Variants in ABCC4 observed in about 807,000 individuals in gnomAD.
ABCC4 encodes the protein ATP binding cassette subfamily C member 4 (PEL blood group), also known as ATP-binding cassette sub-family C member 4.
Under a neutral mutation model 168.5 loss-of-function variants are expected in ABCC4, and 102 were observed. That is an observed-to-expected ratio of 0.61 (90% CI 0.52 to 0.71). The LOEUF is 0.71. Ranked by LOEUF, ABCC4 falls within the 30% of genes least tolerant of loss-of-function variation. The pLI, the probability that ABCC4 is intolerant of heterozygous loss-of-function variation, is 0.00. For missense variants in ABCC4, 1,402 were observed against 1,605.8 expected, an observed-to-expected ratio of 0.87 and a Z score of 2.17; for synonymous variants, 617 against 590.7, an observed-to-expected ratio of 1.04 and a Z score of -0.65.
chr13:95,097,500 A>G (rs1044060647), intron 20 of ABCC4, among the ~76,000 whole-genome samples: 11 of 151,884 alleles, frequency 7.2e-5, no homozygotes, highest in Non-Finnish European at 1.5e-4. Flanking sequence ...GTGGACAAAA[A>G]TTCAGTAAAG....
chr13:95,221,656 T>TA (rs34647565), intron 4 of ABCC4, among the ~76,000 whole-genome samples: 285 of 147,154 alleles, frequency 1.9e-3, no homozygotes, highest in African/African-American at 6.3e-3. Context: ...AGAAATATGT[T>TA]AAAAAAAAAA....
chr13:95,248,636 T>C (rs2138811199), intron 1 of ABCC4, among the ~76,000 whole-genome samples: 1 of 152,298 alleles, frequency 6.6e-6, no homozygotes, highest in South Asian at 2.1e-4. Context: ...GCACCAGGCA[T>C]AGTGGCTCAC....
intron 25 of ABCC4, among the ~76,000 whole-genome samples, chr13:95,064,289 TATATATATACAC>T (rs2033432577): frequency 8.8e-6 from 1 of 113,796 alleles, no homozygotes; most frequent in Non-Finnish European, 1.8e-5. Flanking sequence ...TATATATATA[TATATATATACAC>T]ACACACACAC....
At chr13:95,146,142 C>T (rs1332302373) in intron 19 of ABCC4, among the ~76,000 whole-genome samples, 1 of 149,232 alleles carries the variant, frequency 6.7e-6, no homozygotes, top group African/African-American at 2.5e-5. Flanking sequence ...ACCCCAGAGG[C>T]GGAAGTTGCA....
chr13:95,257,620 G>A (rs867151222), intron 1 of ABCC4, among the ~76,000 whole-genome samples: 1 of 151,256 alleles, frequency 6.6e-6, no homozygotes, highest in Non-Finnish European at 1.5e-5. Flanking sequence ...CCAAGATCAT[G>A]CCATTGCACT....
At chr13:95,163,501 TG>T (rs11568647) in intron 17 of ABCC4, 108 bp downstream of exon 17, 23,900 of 1,062,862 alleles carry the variant, frequency 0.022, 335 homozygotes, top group Middle Eastern at 0.034. Context: ...GTAAACGAAG[TG>T]AGGATTAGAA....
At chr13:95,176,749 G>A (rs956720528) in intron 13 of ABCC4, among the ~76,000 whole-genome samples, 1 of 152,160 alleles carries the variant, frequency 6.6e-6, no homozygotes, top group Non-Finnish European at 1.5e-5. Flanking sequence ...CTCAGTGTGC[G>A]CAGAAGGGTT....
At chr13:95,134,131 A>G (rs2036064407) in intron 19 of ABCC4, among the ~76,000 whole-genome samples, 1 of 152,222 alleles carries the variant, frequency 6.6e-6, no homozygotes, top group Non-Finnish European at 1.5e-5. Flanking sequence ...AATAATGGTC[A>G]TTCAGAGGCA....
rs1422067931 is a variant in ABCC4 at position 95,075,557 on chromosome 13, G to A, written c.2687-6C>T. 3 of 1,613,910 alleles carry A rather than the reference G, an allele frequency of 1.9e-6. No individual in the cohort carries two copies. The highest frequency in any genetic ancestry group is 2.5e-6 in the Non-Finnish European group (3 of 1,179,944). ...GGAAAACACTGGACTCCGAGCTGGGGAAACAGACAGAGAAAACAGCTCAGT... is the reference window on the plus strand; with the variant it reads ...GGAAAACACTGGACTCCGAGCTGGGAAAACAGACAGAGAAAACAGCTCAGT... On this transcript the variant is annotated splice_region_variant and splice_polypyrimidine_tract_variant and intron_variant, in intron 21 of 30. Transcript: ENST00000645237.
At chr13:95,275,670 G>A (rs2040954622) in intron 1 of ABCC4, among the ~76,000 whole-genome samples, 1 of 150,212 alleles carries the variant, frequency 6.7e-6, no homozygotes, top group African/African-American at 2.5e-5. Flanking sequence ...AAAAACAACT[G>A]TGCCTCAAAA....
chr13:95,170,584 G>A lies in ABCC4; in HGVS notation c.1772C>T (p.Thr591Ile). Residue 591 changes from threonine to isoleucine, a missense_variant, in exon 14 of 31, where the codon ACT becomes ATT. By Grantham distance (89) the Thr-to-Ile change is moderately conservative. Around this residue, in one of 3 missense-constraint regions of ABCC4, gnomAD observed 1,007 missense variants for 1,127.3 expected, o/e 0.89. Coordinates refer to ENST00000645237, the MANE Select transcript of ABCC4 (RefSeq NM_005845.5). ...ILHEKITILV[T>I]HQLQYLKAAS... is the part of the protein sequence containing the mutation. ...AGCTTTGAGGTACTGCAACTGATGA[G>A]TCACTAAAATTGTGATCTTCTCATG... is the stretch of plus-strand genomic sequence containing the variant. The A allele has an allele frequency of 6.2e-7, 1 of 1,612,356 alleles. No homozygotes were observed. Among genetic ancestry groups the A allele is most frequent in the Non-Finnish European group, 8.5e-7 (1 of 1,179,674 alleles).
intron 1 of ABCC4, among the ~76,000 whole-genome samples, chr13:95,267,407 C>T (rs1001855713): frequency 6.6e-6 from 1 of 152,194 alleles, no homozygotes; most frequent in Non-Finnish European, 1.5e-5. Context: ...GATTGTGAGG[C>T]CTCCCCAGCC....
intron 4 of ABCC4, among the ~76,000 whole-genome samples, chr13:95,213,162 A>C (rs2039011630): frequency 6.6e-6 from 1 of 150,680 alleles, no homozygotes; most frequent in Admixed American, 6.6e-5. Context: ...GCTGACAAGC[A>C]AACTACCAGG....
intron 13 of ABCC4, among the ~76,000 whole-genome samples, chr13:95,177,285 G>C (rs1165318168): frequency 6.6e-6 from 1 of 152,180 alleles, no homozygotes; most frequent in East Asian, 1.9e-4. Context: ...ACCTGTCATA[G>C]AGAAATGATG....
intron 19 of ABCC4, among the ~76,000 whole-genome samples, chr13:95,126,263 A>C (rs2139437504): frequency 6.6e-6 from 1 of 152,314 alleles, no homozygotes; most frequent in East Asian, 1.9e-4. Context: ...GGTAAAAACA[A>C]GGGCCTAGAC....
intron 19 of ABCC4, among the ~76,000 whole-genome samples, chr13:95,137,236 A>T (rs1440271912): frequency 1.3e-5 from 2 of 152,122 alleles, no homozygotes; most frequent in Admixed American, 6.5e-5. Flanking sequence ...TCTTTAAAAC[A>T]CTCAAGTAAG....
Position 95,263,206 on chromosome 13 carries a change from T to A in ABCC4, c.75-15453A>T, listed in dbSNP as rs541497141. 3.9e-5 allele frequency among the ~76,000 whole-genome samples: 6 copies of A among 152,276 alleles called. No homozygotes were observed. In the South Asian group the frequency reaches 1.2e-3, roughly 32 times the overall value. Reference sequence around the variant, plus strand: ...TTAATTCAAGGTTAATGATTAATTATATATTAAAAAAGGTGTCTCTAAGCA... The same window carrying A: ...TTAATTCAAGGTTAATGATTAATTAAATATTAAAAAAGGTGTCTCTAAGCA... On this transcript the variant is annotated intron_variant, in intron 1 of 30. Transcript: ENST00000645237.
chr13:95,225,147 TCTCTCTCACACACACACACACA>T (rs1170895925), intron 4 of ABCC4, among the ~76,000 whole-genome samples: 116 of 100,776 alleles, frequency 1.2e-3, no homozygotes, highest in African/African-American at 3.2e-3. Flanking sequence ...TCTGTCTCTC[TCTCTCTCACACACACACACACA>T]CACACACACA....
intron 1 of ABCC4, among the ~76,000 whole-genome samples, chr13:95,259,235 C>A (rs1205026285): frequency 1.3e-5 from 2 of 152,070 alleles, no homozygotes; most frequent in Non-Finnish European, 1.5e-5. Flanking sequence ...AAAAATTTAG[C>A]CAGGCGTGGT....
Sources: gnomAD v4.1 joint callset for allele counts (sites outside exome capture counted in the v4.1 genomes callset) on GRCh38, gnomAD v4.1.1 for gene constraint, gnomAD v4.1.1 regional missense constraint, MANE v1.5 for transcripts, NCBI Gene and HGNC (gene_info 2026-07-23, HGNC 2026-07-21) for gene names.